Variants in OLFM1 observed in about 807,000 individuals in gnomAD.
The protein encoded by OLFM1 is olfactomedin 1, also known as noelin.
A neutral mutation model predicts 49.7 loss-of-function variants in OLFM1; 9 were observed. That is an observed-to-expected ratio of 0.18 (90% CI 0.11 to 0.32). OLFM1 has a LOEUF of 0.32. OLFM1 is among the 10% of genes least tolerant of loss of function. OLFM1 has a pLI of 1.00. For missense variants in OLFM1, 369 were observed against 661.8 expected, an observed-to-expected ratio of 0.56 and a Z score of 4.85; for synonymous variants, 240 against 271.8, an observed-to-expected ratio of 0.88 and a Z score of 1.15.
upstream of OLFM1, chr9:135,087,594 C>T: frequency 1.2e-6 from 1 of 854,278 alleles, no homozygotes; most frequent in South Asian, 2.9e-5. Context: ...ATTTCCTGGG[C>T]GGATTGCGTC....
Position 135,092,163 on chromosome 9 carries a change from G to T in OLFM1, c.300+1819G>T, listed in dbSNP as rs528175955. 2.0e-4 allele frequency among the ~76,000 whole-genome samples: 30 copies of T among 152,328 alleles called. No individual in the cohort carries two copies. The East Asian group carries it at 5.6e-3, about 28-fold the overall frequency. ...TGACCCGACTCGGGTCCACATTCCT[G>T]GTGCTGAACCACAAACCCTCAGGAA... On this transcript the variant is annotated intron_variant, in intron 2 of 5. Coordinates refer to ENST00000371793, the MANE Select transcript of OLFM1 (RefSeq NM_001282611.2).
Position 135,102,986 on chromosome 9 carries a change from T to A in OLFM1, c.677-3763T>A, listed in dbSNP as rs1400218606. ...CTTGTGAATAGCAAGAGGCAGATTG[T>A]CTCATCCGCAGGGGCATCAGCTTGT... On this transcript the variant is annotated intron_variant, in intron 4 of 5. Transcript: ENST00000371793. 3.3e-5 allele frequency among the ~76,000 whole-genome samples: 5 copies of A among 152,204 alleles called. 1 individual carries two copies. In the South Asian group the frequency reaches 1.0e-3, roughly 32 times the overall value.
intron 5 of OLFM1, among the ~76,000 whole-genome samples, chr9:135,111,380 C>T (rs976055038): frequency 2.0e-5 from 3 of 152,162 alleles, no homozygotes; most frequent in Admixed American, 6.5e-5. Flanking sequence ...TGGCCTCGCT[C>T]GCCGTCTGGC....
chr9:135,111,520 T>G (rs1225837350), intron 5 of OLFM1, among the ~76,000 whole-genome samples: 1 of 152,120 alleles, frequency 6.6e-6, no homozygotes, highest in Non-Finnish European at 1.5e-5. Context: ...ATCTCGGGGC[T>G]GGGAATCTGA....
At chr9:135,106,447 C>G in intron 4 of OLFM1, 1 of 369,196 alleles carries the variant, frequency 2.7e-6, no homozygotes, top group Non-Finnish European at 4.9e-6. Flanking sequence ...ACCCCCATCC[C>G]CAGGCCATGG....
rs376631762 is a variant in OLFM1 at position 135,119,873 on chromosome 9, G to A, written c.1153G>A (p.Val385Met). The A allele has an allele frequency of 1.8e-5, 29 of 1,613,452 alleles. No individual in the cohort carries two copies. Among genetic ancestry groups the A allele is most frequent in the Middle Eastern group, 3.3e-4 (2 of 6,084 alleles). The change falls in exon 6 of 6, where the codon GTG (valine) becomes ATG (methionine). Residue 385 changes from valine (V) to methionine (M), a missense_variant. Physicochemically the swap from Val to Met is conservative, Grantham distance 21. Around this residue, in one of 3 missense-constraint regions of OLFM1, gnomAD observed 294 missense variants for 567.5 expected, o/e 0.52. Transcript: ENST00000371793. Reference sequence around the variant, plus strand: ...CATCGTGGTCAGTAGGCTGGACCCCGTGTCCCTGCAGACCCTGCAGACCTG... The same window carrying A: ...CATCGTGGTCAGTAGGCTGGACCCCATGTCCCTGCAGACCCTGCAGACCTG... ...GNIVVSRLDP[V>M]SLQTLQTWNT... is the part of the protein sequence containing the mutation.
chr9:135,091,555 T>TCA (rs1830689969), intron 2 of OLFM1, among the ~76,000 whole-genome samples: 2 of 62,114 alleles, frequency 3.2e-5, no homozygotes, highest in Non-Finnish European at 6.6e-5. Flanking sequence ...AGTCACACAC[T>TCA]CATAGTCACA....
rs768600485 is a variant in OLFM1, at chr9:135,080,877, C to T, written c.96+5075C>T. 5.9e-5 allele frequency among the ~76,000 whole-genome samples: 9 copies of T among 151,948 alleles called. No individual in the cohort carries two copies. Among genetic ancestry groups the T allele is most frequent in the African/African-American group, 1.7e-4 (7 of 41,390 alleles). ...CGCTGTCCCGACTGGCACCGCAGGG[C>T]GACCGAAGGGAGGGGAAGAGAGAAC... On this transcript the variant is annotated intron_variant, in intron 1 of 5. Coordinates refer to the OLFM1 transcript ENST00000252854. The surrounding 1 kb of genome is among the most constrained non-coding windows in gnomAD (Gnocchi z 4.5).
intron 1 of OLFM1, chr9:135,075,839 CGCCCG>C: frequency 1.3e-6 from 2 of 1,563,160 alleles, no homozygotes; most frequent in Non-Finnish European, 1.7e-6. Flanking sequence ...CCCTGCCAGG[CGCCCG>C]GCCCGGCCCC....
intron 2 of OLFM1, among the ~76,000 whole-genome samples, chr9:135,090,556 A>T (rs777350767): frequency 6.6e-6 from 1 of 151,970 alleles, no homozygotes; most frequent in Non-Finnish European, 1.5e-5. Context: ...GGATGGATGG[A>T]CGGATGGGTG....
rs560987412 is a variant in OLFM1 at position 135,104,663 on chromosome 9, C to G, written c.677-2086C>G. On this transcript the variant is annotated intron_variant, in intron 4 of 5. Transcript: ENST00000371793. The stretch of plus-strand genomic sequence containing the variant: ...AAGGCACTGTCTTAGGGGACACCAG[C>G]CTCTGGATGGCAGGGAGGGCTGGAG... 2.0e-5 allele frequency among the ~76,000 whole-genome samples: 3 copies of G among 152,344 alleles called. No homozygotes were observed. In the East Asian group the frequency reaches 5.8e-4, roughly 29 times the overall value.
In OLFM1 at chr9:135,112,325, C is replaced by T. The variant is rs551150464; in HGVS notation, c.783+5470C>T. ...GTCTCTGCTGTCTAAGGTCCCTGTT[C>T]CCTCCAGGCTGCACTGGCCTTCTGT... On this transcript the variant is annotated intron_variant, in intron 5 of 5. Transcript: ENST00000371793. 3.4e-3 allele frequency among the ~76,000 whole-genome samples: 524 copies of T among 152,336 alleles called. 1 individual carries two copies. The highest frequency in any genetic ancestry group is 0.012 in the African/African-American group (481 of 41,566).
chr9:135,077,518 C>T (rs1192613565), intron 1 of OLFM1: 1 of 302,638 alleles, frequency 3.3e-6, no homozygotes. Context: ...GCTGGACATC[C>T]GAACCCCAGC....
intron 5 of OLFM1, among the ~76,000 whole-genome samples, chr9:135,107,499 G>A (rs1196896290): frequency 1.3e-5 from 2 of 152,176 alleles, no homozygotes; most frequent in African/African-American, 4.8e-5. Context: ...GTGGCTGCCC[G>A]ACTGATGGTG....
chr9:135,105,201 G>A (rs761472587), intron 4 of OLFM1, among the ~76,000 whole-genome samples: 11 of 152,380 alleles, frequency 7.2e-5, no homozygotes, highest in East Asian at 3.9e-4. Flanking sequence ...AACTACGCAC[G>A]GAGGAGGAAG....
chr9:135,089,177 G>A (rs372771491), intron 1 of OLFM1, among the ~76,000 whole-genome samples: 4 of 152,228 alleles, frequency 2.6e-5, no homozygotes, highest in South Asian at 2.1e-4. Flanking sequence ...GGAATCGGAG[G>A]GCGATTCCTC....
intron 2 of OLFM1, among the ~76,000 whole-genome samples, chr9:135,091,872 C>G (rs78266110): frequency 7.4e-6 from 1 of 135,442 alleles, no homozygotes; most frequent in African/African-American, 2.8e-5. Flanking sequence ...CACTCACACA[C>G]AGTCACACAC....
At chr9:135,078,152 T>G (rs1468543147) in intron 1 of OLFM1, among the ~76,000 whole-genome samples, 1 of 152,228 alleles carries the variant, frequency 6.6e-6, no homozygotes, top group Non-Finnish European at 1.5e-5. Flanking sequence ...TGAGCAATGC[T>G]GCTCATATTT....
rs13286261 is a variant in OLFM1, at chr9:135,098,207, C to T, written c.457-79C>T. Reference sequence around the variant, plus strand: ...CGGGAATATACACACTTTCCCTCACCTAGGGAGAAGCCAGGCCAAGGCAGG... The same window carrying T: ...CGGGAATATACACACTTTCCCTCACTTAGGGAGAAGCCAGGCCAAGGCAGG... On this transcript the variant is annotated intron_variant, in intron 3 of 5. Transcript: ENST00000371793. This position sits in a 1 kb window ranked among gnomAD's most constrained non-coding sequence, Gnocchi z 5.6. The T allele has an allele frequency of 6.5e-7, 1 of 1,546,822 alleles. No homozygotes were observed. Among genetic ancestry groups the T allele is most frequent in the Non-Finnish European group, 8.8e-7 (1 of 1,135,598 alleles).
Sources: gnomAD v4.1 joint callset for allele counts (sites outside exome capture counted in the v4.1 genomes callset) on GRCh38, gnomAD v4.1.1 for gene constraint, gnomAD v4.1.1 regional missense constraint, Gnocchi (gnomAD v3.1) non-coding constraint, MANE v1.5 for transcripts, NCBI Gene and HGNC (gene_info 2026-07-23, HGNC 2026-07-21) for gene names.